GHR: variants seen among roughly 807,000 people sequenced by gnomAD.
The protein encoded by GHR is growth hormone receptor, also known as GH receptor.
GHR carries 35 observed loss-of-function variants against 67.1 expected under a neutral mutation model. The observed-to-expected ratio is 0.52, with a 90% CI of 0.40 to 0.69. The LOEUF (loss-of-function observed/expected upper bound fraction) is 0.69. Among genes scored for constraint, GHR ranks in the 30% least tolerant of loss-of-function variants. The pLI is 0.00. For missense variants in GHR, 792 were observed against 764.6 expected, an observed-to-expected ratio of 1.04 and a Z score of -0.42; for synonymous variants, 272 against 269.1, an observed-to-expected ratio of 1.01 and a Z score of -0.10.
chr5:42,431,172 CATT>C (rs1464375583), intron 1 of GHR, among the ~76,000 whole-genome samples: 2 of 152,136 alleles, frequency 1.3e-5, no homozygotes, highest in South Asian at 2.1e-4. Context: ...ATTCTCTCAT[CATT>C]AATTTTTAAT....
chr5:42,510,156 T>C (rs1435869666), intron 1 of GHR, among the ~76,000 whole-genome samples: 1 of 152,220 alleles, frequency 6.6e-6, no homozygotes, highest in East Asian at 1.9e-4. Flanking sequence ...TTGACTCCTT[T>C]CTTTCTCTCA....
At chr5:42,507,567 C>T (rs1305465952) in intron 1 of GHR, among the ~76,000 whole-genome samples, 3 of 152,208 alleles carry the variant, frequency 2.0e-5, no homozygotes, top group Non-Finnish European at 4.4e-5. Flanking sequence ...TGGAAAGACA[C>T]ACAATCTAAC....
intron 1 of GHR, among the ~76,000 whole-genome samples, chr5:42,538,354 C>T (rs1290518137): frequency 6.6e-6 from 1 of 152,306 alleles, no homozygotes; most frequent in African/African-American, 2.4e-5. Flanking sequence ...TTTAGCAGCT[C>T]TTGTAGTGCT....
intron 1 of GHR, among the ~76,000 whole-genome samples, chr5:42,510,713 G>A (rs1477691010): frequency 4.6e-5 from 7 of 152,186 alleles, no homozygotes; most frequent in East Asian, 1.9e-4. Flanking sequence ...TGGAGATGCC[G>A]GCTGGGGAGC....
intron 3 of GHR, among the ~76,000 whole-genome samples, chr5:42,666,099 AAC>A: frequency 6.6e-6 from 1 of 152,252 alleles, no homozygotes; most frequent in East Asian, 1.9e-4. Context: ...CCGATTCAGC[AAC>A]AGTTTTCAGG....
At chr5:42,504,001 G>T (rs758147384) in intron 1 of GHR, among the ~76,000 whole-genome samples, 4 of 152,148 alleles carry the variant, frequency 2.6e-5, no homozygotes, top group Admixed American at 2.0e-4. Context: ...GCACTGATTG[G>T]ATAAACCATA....
rs552855109 is a variant in GHR at position 42,665,082 on chromosome 5, A to G, written c.137-23808A>G. On this transcript the variant is annotated intron_variant, in intron 3 of 9. Coordinates refer to ENST00000230882, the MANE Select transcript of GHR (RefSeq NM_000163.5). Reference sequence around the variant, plus strand: ...ACCAGTTGTTAGAATGGCGATCATTAAAAAGTCAGGAAACAACAGGTGCTG... The same window carrying G: ...ACCAGTTGTTAGAATGGCGATCATTGAAAAGTCAGGAAACAACAGGTGCTG... Among the ~76,000 whole-genome samples, 13 of 152,360 alleles carry G rather than the reference A, an allele frequency of 8.5e-5. No individual in the cohort carries two copies. The East Asian group carries it at 1.2e-3, about 14-fold the overall frequency.
At chr5:42,601,685 A>G (rs111837862) in intron 2 of GHR, among the ~76,000 whole-genome samples, 1 of 152,134 alleles carries the variant, frequency 6.6e-6, no homozygotes, top group Non-Finnish European at 1.5e-5. Flanking sequence ...TTGCTAAACT[A>G]TAATATGATT....
chr5:42,537,598 A>G (rs917594967), intron 1 of GHR, among the ~76,000 whole-genome samples: 3 of 152,162 alleles, frequency 2.0e-5, no homozygotes, highest in African/African-American at 7.2e-5. Context: ...TCTTGGAGAA[A>G]GTTCCATGCA....
intron 3 of GHR, among the ~76,000 whole-genome samples, chr5:42,643,258 A>T (rs1754568745): frequency 6.6e-6 from 1 of 152,198 alleles, no homozygotes; most frequent in Non-Finnish European, 1.5e-5. Flanking sequence ...AGCTGAAGCT[A>T]AATAGGCTTC....
intron 3 of GHR, among the ~76,000 whole-genome samples, chr5:42,642,421 T>C (rs1754524103): frequency 6.6e-6 from 1 of 152,052 alleles, no homozygotes; most frequent in Admixed American, 6.5e-5. Context: ...TATGATTACT[T>C]TCTCTACAAA....
intron 1 of GHR, among the ~76,000 whole-genome samples, chr5:42,557,234 T>C (rs765138561): frequency 5.9e-5 from 9 of 152,202 alleles, no homozygotes; most frequent in East Asian, 1.9e-4. Context: ...CTAGGAGATA[T>C]ACACTTTACA....
chr5:42,458,831 AAC>A (rs1744370026), intron 1 of GHR, among the ~76,000 whole-genome samples: 1 of 152,236 alleles, frequency 6.6e-6, no homozygotes, highest in African/African-American at 2.4e-5. Context: ...AAAGGACATT[AAC>A]AGACATTTTT....
Position 42,682,413 on chromosome 5 carries a change from T to C in GHR, c.137-6477T>C, listed in dbSNP as rs562786681. Among the ~76,000 whole-genome samples, 5 of 152,344 alleles carry C rather than the reference T, an allele frequency of 3.3e-5. No individual in the cohort carries two copies. The South Asian group carries it at 1.0e-3, about 32-fold the overall frequency. ...TCAGAGAAGACCTAAGAGTCTATAGTAGTCATTTGTTGTCTTCGTAGTAAA... is the reference window on the plus strand; with the variant it reads ...TCAGAGAAGACCTAAGAGTCTATAGCAGTCATTTGTTGTCTTCGTAGTAAA... On this transcript the variant is annotated intron_variant, in intron 3 of 9. Transcript: ENST00000230882.
In GHR at chr5:42,641,446, G is replaced by A. The variant is rs188066382; in HGVS notation, c.136+12343G>A. Among the ~76,000 whole-genome samples, 10 of 152,112 alleles carry A rather than the reference G, an allele frequency of 6.6e-5. No homozygotes were observed. In the East Asian group the frequency reaches 1.4e-3, roughly 21 times the overall value. On this transcript the variant is annotated intron_variant, in intron 3 of 9. Coordinates refer to ENST00000230882, the MANE Select transcript of GHR (RefSeq NM_000163.5). ...GCTTTGATGATCAATTTTAACAACCGCAATATATAATACAGTAACTAATGG... is the reference window on the plus strand; with the variant it reads ...GCTTTGATGATCAATTTTAACAACCACAATATATAATACAGTAACTAATGG...
intron 1 of GHR, among the ~76,000 whole-genome samples, chr5:42,492,419 C>T (rs1287186300): frequency 6.6e-6 from 1 of 152,146 alleles, no homozygotes; most frequent in Non-Finnish European, 1.5e-5. Flanking sequence ...GGTCTGTTTT[C>T]ACTGTCAGTT....
Position 42,482,005 on chromosome 5 carries a change from G to T in GHR, c.-12+58050G>T, listed in dbSNP as rs373645904. ...TTTTCTGCTGTTTTTTCCCCATCTT[G>T]GTGGTTTTATCTACCTTTGGTCTTT... On this transcript the variant is annotated intron_variant, in intron 1 of 9. Transcript: ENST00000230882. 8.9e-4 allele frequency among the ~76,000 whole-genome samples: 131 copies of T among 146,576 alleles called. 2 individuals are homozygous for T. The South Asian group carries it at 0.018, about 20-fold the overall frequency.
intron 1 of GHR, among the ~76,000 whole-genome samples, chr5:42,532,810 G>T (rs1748036097): frequency 6.6e-6 from 1 of 151,914 alleles, no homozygotes; most frequent in Non-Finnish European, 1.5e-5. Flanking sequence ...TCCATCTTAT[G>T]AAAATACCAC....
intron 6 of GHR, 86 bp downstream of exon 6, chr5:42,700,088 C>T: frequency 6.3e-6 from 5 of 792,754 alleles, no homozygotes; most frequent in Non-Finnish European, 1.1e-5. Flanking sequence ...TTCCTTTGAC[C>T]TAATACCACA....
Sources: allele counts gnomAD v4.1 joint callset (sites outside exome capture counted in the v4.1 genomes callset), GRCh38; gene constraint gnomAD v4.1.1; transcripts MANE v1.5; gene names NCBI Gene and HGNC (gene_info 2026-07-23, HGNC 2026-07-21).